GDA: variants seen among roughly 807,000 people sequenced by gnomAD.
GDA encodes cytoplasmic PSD-95 interactor.
In GDA, 18 loss-of-function variants were observed where a neutral mutation model predicts 59.6. The observed-to-expected ratio is 0.30, with a 90% CI of 0.21 to 0.45. The LOEUF is 0.45. Ranked by LOEUF, GDA falls within the 20% of genes least tolerant of loss-of-function variation. The pLI is 1.00. For synonymous variants in GDA, 201 were observed against 201.1 expected, an observed-to-expected ratio of 1.00 and a Z score of 0.00; for missense variants, 427 against 552.3, an observed-to-expected ratio of 0.77 and a Z score of 2.27.
chr9:72,138,788 C>G (rs1371717159), intron 1 of GDA, among the ~76,000 whole-genome samples: 1 of 152,152 alleles, frequency 6.6e-6, no homozygotes, highest in Non-Finnish European at 1.5e-5. Flanking sequence ...AACAGAATAC[C>G]TGGCATATAC....
chr9:72,118,907 T>C (rs1231449575), intron 1 of GDA, among the ~76,000 whole-genome samples: 1 of 152,188 alleles, frequency 6.6e-6, no homozygotes, highest in Non-Finnish European at 1.5e-5. Flanking sequence ...AGGGACTGTA[T>C]TTGTCCCACT....
At chr9:72,158,872 CCATCATCAT>C (rs113332500) in intron 1 of GDA, among the ~76,000 whole-genome samples, 94 of 150,738 alleles carry the variant, frequency 6.2e-4, no homozygotes, top group African/African-American at 2.2e-3. Context: ...GGTAAGGACA[CCATCATCAT>C]CATCATCATC....
chr9:72,225,678 G>A lies in GDA; in HGVS notation c.716G>A (p.Ser239Asn). The A allele has an allele frequency of 7.2e-7, 1 of 1,381,736 alleles. No individual in the cohort carries two copies. Among genetic ancestry groups the A allele is most frequent in the Non-Finnish European group, 1.0e-6 (1 of 983,480 alleles). 85.6% of individuals were successfully genotyped at this position (1,381,736 alleles called of 1,614,324 possible). A position where few individuals can be genotyped will look rare whatever the true frequency, so the allele number is the denominator to read the frequency against. Reference sequence around the variant, plus strand: ...GAAAATATTATTTTTTTCTTGTAGAGCCATATAAGTGAAAATCGTGATGAA... The same window carrying A: ...GAAAATATTATTTTTTTCTTGTAGAACCATATAAGTGAAAATCGTGATGAA... ...IAKTRDLHIQ[S>N]HISENRDEVE... Residue 239 changes from serine to asparagine, a missense_variant and splice_region_variant, in exon 8 of 14, where the codon AGC (serine) becomes AAC (asparagine). By Grantham distance (46) the Ser-to-Asn change is conservative. Transcript: ENST00000358399.
At position 72,226,354 on chromosome 9, in the gene GDA, G is replaced by A. The variant is rs1372711988; in HGVS notation, c.822+570G>A. ...ATGTTTGTGTAATATTATTTGATGTGTATGTACATATGTATAGATGCATGC... is the reference window on the plus strand; with the variant it reads ...ATGTTTGTGTAATATTATTTGATGTATATGTACATATGTATAGATGCATGC... On this transcript the variant is annotated intron_variant, in intron 8 of 13. Coordinates refer to ENST00000358399, the MANE Select transcript of GDA (RefSeq NM_004293.5). 2.6e-5 allele frequency among the ~76,000 whole-genome samples: 4 copies of A among 152,154 alleles called. No individual in the cohort carries two copies. In the South Asian group the frequency reaches 6.2e-4, roughly 24 times the overall value.
intron 10 of GDA, among the ~76,000 whole-genome samples, chr9:72,235,556 G>T (rs2131712228): frequency 6.6e-6 from 1 of 152,184 alleles, no homozygotes; most frequent in African/African-American, 2.4e-5. Context: ...AATTAGCTGG[G>T]TGTGGTAGCA....
intron 1 of GDA, among the ~76,000 whole-genome samples, chr9:72,164,826 A>G (rs11793595): frequency 6.6e-6 from 1 of 150,982 alleles, no homozygotes; most frequent in Admixed American, 6.6e-5. Flanking sequence ...TACTAAAAAT[A>G]CAAAAAAAAA....
At chr9:72,164,712 A>G (rs7048306) in intron 1 of GDA, among the ~76,000 whole-genome samples, 87,509 of 151,062 alleles carry the variant, frequency 0.58, 25,823 homozygotes, top group Middle Eastern at 0.63. Flanking sequence ...GGCCGGGCAC[A>G]GTGGCTCACG....
intron 1 of GDA, among the ~76,000 whole-genome samples, chr9:72,177,633 T>C (rs1179660029): frequency 2.0e-5 from 3 of 152,206 alleles, no homozygotes; most frequent in African/African-American, 4.8e-5. Flanking sequence ...GCCAACTCCT[T>C]CTTCTTGTAT....
intron 5 of GDA, among the ~76,000 whole-genome samples, chr9:72,216,660 G>A (rs1836164979): frequency 1.3e-5 from 2 of 151,334 alleles, no homozygotes. Context: ...ATTGCCTGGG[G>A]CTGGAAGTAG....
intron 1 of GDA, among the ~76,000 whole-genome samples, chr9:72,123,602 C>T (rs909800789): frequency 6.6e-6 from 1 of 151,540 alleles, no homozygotes; most frequent in African/African-American, 2.4e-5. Context: ...ATTCTCCTGC[C>T]TCAGCCTCCC....
At chr9:72,190,070 A>G (rs1410625990) in intron 1 of GDA, among the ~76,000 whole-genome samples, 1 of 152,052 alleles carries the variant, frequency 6.6e-6, no homozygotes. Context: ...GGAGTGGGTT[A>G]GTTATTGTGA....
At chr9:72,180,818 C>G (rs1831106277) in intron 1 of GDA, among the ~76,000 whole-genome samples, 1 of 152,182 alleles carries the variant, frequency 6.6e-6, no homozygotes, top group African/African-American at 2.4e-5. Context: ...AAGTGATTCA[C>G]AAGTTTTCAA....
chr9:72,195,418 G>T (rs1833046686), intron 1 of GDA, 82 bp from the exon 2 acceptor site: 6 of 343,384 alleles, frequency 1.7e-5, no homozygotes, highest in Non-Finnish European at 2.6e-5. Context: ...TCTCTTTTAA[G>T]AATATTTACA....
rs1049879679 is a variant in GDA at position 72,249,862 on chromosome 9, A to C, written c.*1520A>C. On this transcript the variant is annotated 3_prime_UTR_variant, in exon 14 of 14. Coordinates refer to ENST00000358399, the MANE Select transcript of GDA (RefSeq NM_004293.5). ...AAAAAAACACAGTTCCCCCTCCTGT[A>C]GTATAAATTTTATTTTCACATACTT... The C allele has an allele frequency of 1.9e-5, 18 of 969,084 alleles. No individual in the cohort carries two copies. Among genetic ancestry groups the C allele is most frequent in the Non-Finnish European group, 1.7e-5 (14 of 815,174 alleles). The allele number at this position is 969,084 out of a possible 1,614,324, so 60.0% of individuals were successfully genotyped here.
In GDA at chr9:72,250,615, A is replaced by ACC. The variant is rs751865630; in HGVS notation, c.*2274_*2275dup. The ACC allele has an allele frequency of 4.9e-5, 77 of 1,572,996 alleles. No individual in the cohort carries two copies. Among genetic ancestry groups the ACC allele is most frequent in the Non-Finnish European group, 1.0e-5 (12 of 1,164,984 alleles). ...TTTCTGTACCACAGGCATTATCTAT[A>ACC]CCTGGGGCCAGATTTTCTGCACTTT... On this transcript the variant is annotated 3_prime_UTR_variant, in exon 14 of 14. Transcript: ENST00000358399.
At chr9:72,124,999 A>G (rs928561894) in intron 1 of GDA, among the ~76,000 whole-genome samples, 25 of 152,216 alleles carry the variant, frequency 1.6e-4, no homozygotes, top group Admixed American at 1.0e-3. Flanking sequence ...AAACAAATGA[A>G]TACTATTTTT....
chr9:72,228,061 T>C (rs374053200), intron 9 of GDA, 21 bp downstream of exon 9: 1 of 1,332,870 alleles, frequency 7.5e-7, no homozygotes, highest in Non-Finnish European at 1.1e-6. Flanking sequence ...AATGATTGTT[T>C]GGTAGATTAC....
At chr9:72,214,045 T>TG in intron 5 of GDA, 54 bp downstream of exon 5, 1 of 993,794 alleles carries the variant, frequency 1.0e-6, no homozygotes, top group Non-Finnish European at 1.6e-6. Context: ...TGTGCTGCAC[T>TG]GATGGAGTTA....
chr9:72,187,862 C>T (rs1470580320), intron 1 of GDA, among the ~76,000 whole-genome samples: 2 of 152,104 alleles, frequency 1.3e-5, no homozygotes, highest in Admixed American at 6.5e-5. Flanking sequence ...AACTGAGAAA[C>T]AAGGTATTGG....
Sources: allele counts gnomAD v4.1 joint callset (sites outside exome capture counted in the v4.1 genomes callset), GRCh38; gene constraint gnomAD v4.1.1; transcripts MANE v1.5; gene names NCBI Gene and HGNC (gene_info 2026-07-23, HGNC 2026-07-21).